The following MMP1 variants were observed in gnomAD, a reference collection of about 807,000 sequenced individuals.
The protein encoded by MMP1 is matrix metallopeptidase 1.
In MMP1, 51 loss-of-function variants were observed where a neutral mutation model predicts 49.6. That is an observed-to-expected ratio of 1.03 (90% CI 0.82 to 1.30). The LOEUF is 1.30. Among genes scored for constraint, MMP1 ranks in the 50% most tolerant of loss-of-function variants. The pLI is 0.00. For missense variants in MMP1, 623 were observed against 568.7 expected (o/e 1.10, Z -0.97); for synonymous variants, 230 against 196.8 (o/e 1.17, Z -1.41).
chr11:102,795,469 C>A lies in MMP1; in HGVS notation c.764G>T (p.Gly255Val), dbSNP rs750841955. The A allele has an allele frequency of 6.2e-7, 1 of 1,613,682 alleles. No homozygotes were observed. Among genetic ancestry groups the A allele is most frequent in the Admixed American group, 1.7e-5 (1 of 59,890 alleles). ...DVQLAQDDID[G>V]IQAIYGRSQN... Reference sequence around the variant, plus strand: ...ATACTCACCATATATGGCTTGGATGCCATCAATGTCATCCTGAGCTAGCTG... The same window carrying A: ...ATACTCACCATATATGGCTTGGATGACATCAATGTCATCCTGAGCTAGCTG... The change falls in exon 5 of 10, where the codon GGC (glycine) becomes GTC (valine). Residue 255 changes from glycine to valine, a missense_variant. Gly to Val is a moderately radical substitution (Grantham distance 109). Transcript: ENST00000315274.
rs1057395793 is a variant in MMP1, at chr11:102,797,810, A to G, written c.105+178T>C. On this transcript the variant is annotated intron_variant, in intron 1 of 9. Transcript: ENST00000315274. ...GTTCCTTTAGTTCACTCTCACCTCCAACTGGAAAAAGAGAGCGTATGCATG... is the reference window on the plus strand; with the variant it reads ...GTTCCTTTAGTTCACTCTCACCTCCGACTGGAAAAAGAGAGCGTATGCATG... Among the ~76,000 whole-genome samples the G allele has an allele frequency of 2.7e-4, 41 of 152,202 alleles. 1 individual carries two copies. Among genetic ancestry groups the G allele is most frequent in the Admixed American group, 2.3e-3 (35 of 15,286 alleles).
chr11:102,792,467 A>G (rs1858056132), intron 7 of MMP1, 138 bp downstream of exon 7: 3 of 835,814 alleles, frequency 3.6e-6, no homozygotes, highest in Middle Eastern at 3.2e-4. Context: ...AAGTTGATGG[A>G]CTTTCATTGA....
In MMP1 at chr11:102,796,694, C is replaced by T; in HGVS notation, c.595G>A (p.Glu199Lys). The T allele has an allele frequency of 6.2e-7, 1 of 1,613,956 alleles. No homozygotes were observed. The highest frequency in any genetic ancestry group is 8.5e-7 in the Non-Finnish European group (1 of 1,179,946). ...AAATTGTTGGTCCACCTTTCATCTT[C>T]ATCAAAATGAGCATCCCCTCCAATA... ...PGIGGDAHFDEDERWTNNFRE... is the reference protein window; with the variant it reads ...PGIGGDAHFDKDERWTNNFRE... Residue 199 changes from glutamate to lysine, a missense_variant, in exon 4 of 10, where the codon GAA (glutamate) becomes AAA (lysine). Transcript: ENST00000315274.
chr11:102,790,789 C>G lies in MMP1; in HGVS notation c.1214G>C (p.Arg405Pro). 2 of 1,608,242 alleles carry G rather than the reference C, an allele frequency of 1.2e-6. No individual in the cohort carries two copies. Among genetic ancestry groups the G allele is most frequent in the Non-Finnish European group, 1.7e-6 (2 of 1,174,934 alleles). Residue 405 changes from arginine (R) to proline (P), a missense_variant, in exon 9 of 10, where the codon CGA becomes CCA. Transcript: ENST00000315274. The stretch of plus-strand genomic sequence containing the variant: ...TTTGGGATAACCTGGATCCATAGAT[C>G]GTTTATATTCATCATACCTGGTCAG... ...NKYWRYDEYK[R>P]SMDPGYPKMI...
chr11:102,793,680 C>G (rs1028808201), intron 6 of MMP1, among the ~76,000 whole-genome samples: 6 of 152,304 alleles, frequency 3.9e-5, no homozygotes, highest in African/African-American at 9.6e-5. Context: ...GTGTCTAAGG[C>G]CACCCAGCTG....
rs544830834 is a variant in MMP1 at position 102,794,414 on chromosome 11, A to G, written c.899+760T>C. On this transcript the variant is annotated intron_variant, in intron 6 of 9. Coordinates refer to ENST00000315274, the MANE Select transcript of MMP1 (RefSeq NM_002421.4). This position sits in a 1 kb window ranked among gnomAD's most constrained non-coding sequence, Gnocchi z 4.3. Reference sequence around the variant, plus strand: ...AAAGAGTGTGTTATTATTTTGCCTGATCCTTTAGGAATCACTATGGTACAG... The same window carrying G: ...AAAGAGTGTGTTATTATTTTGCCTGGTCCTTTAGGAATCACTATGGTACAG... 6.6e-6 allele frequency among the ~76,000 whole-genome samples: 1 copy of G among 152,270 alleles called. No homozygotes were observed. The highest frequency in any genetic ancestry group is 1.5e-5 in the Non-Finnish European group (1 of 68,008).
At chr11:102,791,178 T>C (rs657043) in intron 8 of MMP1, among the ~76,000 whole-genome samples, 155 bp downstream of exon 8, 3,832 of 152,334 alleles carry the variant, frequency 0.025, 64 homozygotes, top group Non-Finnish European at 0.04. Context: ...TGATGATTAT[T>C]GGTCAATAGA....
At position 102,791,425 on chromosome 11, in the gene MMP1, A is replaced by G; in HGVS notation, c.1104T>C (p.Phe368=). Reference sequence around the variant, plus strand: ...TATGCTTCACAGTTCTAGGGAAGCCAAAGGAGCTGTAGATGTCCTTGGGGT... The same window carrying G: ...TATGCTTCACAGTTCTAGGGAAGCCGAAGGAGCTGTAGATGTCCTTGGGGT... ...HGYPKDIYSS[F]GFPRTVKHID... The change falls in exon 8 of 10, where the codon TTT becomes TTC. Residue 368 remains phenylalanine (F), a synonymous_variant. Coordinates refer to ENST00000315274, the MANE Select transcript of MMP1 (RefSeq NM_002421.4). 6.2e-7 allele frequency: 1 copy of G among 1,614,052 alleles called. No homozygotes were observed. Among genetic ancestry groups the G allele is most frequent in the Non-Finnish European group, 8.5e-7 (1 of 1,179,882 alleles).
At position 102,796,715 on chromosome 11, in the gene MMP1, CA is replaced by C. The variant is rs17879749; in HGVS notation, c.573del (p.Ile191MetfsTer45). 0.013 allele frequency: 21,612 copies of C among 1,613,990 alleles called. 183 individuals carry two copies. The highest frequency in any genetic ancestry group is 0.016 in the Non-Finnish European group (18,568 of 1,179,926). ...TCTTCATCAAAATGAGCATCCCCTCCAATACCTGGGCCTGGTTGAAAAGCAT... is the reference window on the plus strand; with the variant it reads ...TCTTCATCAAAATGAGCATCCCCTCCATACCTGGGCCTGGTTGAAAAGCAT... ...LAHAFQPGPG[I>X]GGDAHFDEDE... is the part of the protein sequence containing the mutation. On this transcript the variant is annotated frameshift_variant, in exon 4 of 10. Coordinates refer to ENST00000315274, the MANE Select transcript of MMP1 (RefSeq NM_002421.4). LOFTEE classifies it high-confidence loss of function.
At position 102,790,357 on chromosome 11, in the gene MMP1, G is replaced by T; in HGVS notation, c.*55C>A. 1.9e-6 allele frequency: 2 copies of T among 1,073,058 alleles called. No homozygotes were observed. The highest frequency in any genetic ancestry group is 1.4e-5 in the South Asian group (1 of 69,420). 66.5% of individuals were successfully genotyped at this position (1,073,058 alleles called of 1,614,324 possible). A position where few individuals can be genotyped will look rare whatever the true frequency, so the allele number is the denominator to read the frequency against. ...GACTGAGAAAATAGACAGTTCTTCA[G>T]GAAAACACCTTCTTTGGACTCACAC... is the stretch of plus-strand genomic sequence containing the variant. On this transcript the variant is annotated 3_prime_UTR_variant, in exon 10 of 10. Coordinates refer to ENST00000315274, the MANE Select transcript of MMP1 (RefSeq NM_002421.4).
Position 102,798,096 on chromosome 11 carries a change from G to A in MMP1, c.-4C>T. Reference sequence around the variant, plus strand: ...GCAGTGGAGGAAAGCTGTGCATACTGGCCTTTGTCTTCTTTCTCAGTGCAA... The same window carrying A: ...GCAGTGGAGGAAAGCTGTGCATACTAGCCTTTGTCTTCTTTCTCAGTGCAA... On this transcript the variant is annotated 5_prime_UTR_variant, in exon 1 of 10. Transcript: ENST00000315274. 1.2e-6 allele frequency: 2 copies of A among 1,605,330 alleles called. No homozygotes were observed. The highest frequency in any genetic ancestry group is 1.7e-6 in the Non-Finnish European group (2 of 1,178,874).
At position 102,797,252 on chromosome 11, in the gene MMP1, C is replaced by T. The variant is rs200481398; in HGVS notation, c.350+4G>A. On this transcript the variant is annotated splice_donor_region_variant and intron_variant, in intron 2 of 9. Transcript: ENST00000315274. ...TCTCTCACTCTGGCCCTCAGTCTGC[C>T]TACCTGTAGGTCAGATGTGTTTGCT... 453 of 1,614,166 alleles carry T rather than the reference C, an allele frequency of 2.8e-4. 2 individuals are homozygous for T. The highest frequency in any genetic ancestry group is 2.1e-3 in the South Asian group (189 of 91,076).
chr11:102,797,253 T>C lies in MMP1; in HGVS notation c.350+3A>G, dbSNP rs1357000837. The C allele has an allele frequency of 1.4e-5, 23 of 1,614,056 alleles. 1 individual carries two copies. Among genetic ancestry groups the C allele is most frequent in the African/African-American group, 8.0e-5 (6 of 74,944 alleles). ...CTCTCACTCTGGCCCTCAGTCTGCC[T>C]ACCTGTAGGTCAGATGTGTTTGCTC... is the stretch of plus-strand genomic sequence containing the variant. On this transcript the variant is annotated splice_donor_region_variant and intron_variant, in intron 2 of 9. Coordinates refer to ENST00000315274, the MANE Select transcript of MMP1 (RefSeq NM_002421.4).
rs960560219 is a variant in MMP1, at chr11:102,797,116, C to G, written c.397G>C (p.Ala133Pro). Residue 133 changes from alanine to proline, a missense_variant, in exon 3 of 10, where the codon GCC (alanine) becomes CCC (proline). Ala to Pro is a conservative substitution (Grantham distance 27). Transcript: ENST00000315274. The stretch of plus-strand genomic sequence containing the variant: ...CAGAGTTGGAAGGCTTTCTCAATGG[C>G]ATGGTCCACATCTGCTCTTGGCAAA... The part of the protein sequence containing the change: ...PDLPRADVDH[A>P]IEKAFQLWSN... 1.9e-6 allele frequency: 3 copies of G among 1,614,072 alleles called. No individual in the cohort carries two copies. The African/African-American group carries it at 4.0e-5, about 22-fold the overall frequency.
chr11:102,795,577 T>G lies in MMP1; in HGVS notation c.656A>C (p.Glu219Ala). The G allele has an allele frequency of 6.2e-7, 1 of 1,613,548 alleles. No homozygotes were observed. Among genetic ancestry groups the G allele is most frequent in the Non-Finnish European group, 8.5e-7 (1 of 1,179,860 alleles). The change falls in exon 5 of 10, where the codon GAA becomes GCA. Residue 219 changes from glutamate to alanine, a missense_variant. Physicochemically the swap from Glu to Ala is moderately radical, Grantham distance 107. Transcript: ENST00000315274. ...GGAGAGTCCAAGAGAATGGCCGAGT[T>G]CATGAGCTGCAACACGATGTAAGTT... The part of the protein sequence containing the change: ...EYNLHRVAAH[E>A]LGHSLGLSHS...
intron 8 of MMP1, 60 bp from the exon 9 acceptor site, chr11:102,790,866 C>T: frequency 2.3e-6 from 2 of 881,364 alleles, no homozygotes; most frequent in Non-Finnish European, 3.8e-6. Context: ...CTCTGAAAAT[C>T]ATTACAGAAA....
Position 102,795,261 on chromosome 11 carries a change from C to T in MMP1, c.812G>A (p.Gly271Asp), listed in dbSNP as rs374600625. The change falls in exon 6 of 10, where the codon GGC becomes GAC. Residue 271 changes from glycine to aspartate, a missense_variant. Coordinates refer to ENST00000315274, the MANE Select transcript of MMP1 (RefSeq NM_002421.4). ...GTCACACGCTTTTGGGGTTTGTGGG[C>T]CGATGGGCTGGACAGGATTTTGGGA... The part of the protein sequence containing the change: ...GRSQNPVQPI[G>D]PQTPKACDSK... 7 of 1,613,826 alleles carry T rather than the reference C, an allele frequency of 4.3e-6. No individual in the cohort carries two copies. The African/African-American group carries it at 8.0e-5, about 18-fold the overall frequency.
chr11:102,797,985 T>C lies in MMP1; in HGVS notation c.105+3A>G. 1.9e-6 allele frequency: 3 copies of C among 1,602,628 alleles called. No individual in the cohort carries two copies. Among genetic ancestry groups the C allele is most frequent in the Non-Finnish European group, 2.6e-6 (3 of 1,170,374 alleles). On this transcript the variant is annotated splice_donor_region_variant and intron_variant, in intron 1 of 9. Coordinates refer to ENST00000315274, the MANE Select transcript of MMP1 (RefSeq NM_002421.4). ...TTATTGTCACATGCAATGCAGCATT[T>C]ACCTGGACTAAGTCCACATCTTGCT...
chr11:102,790,296 A>T lies in MMP1; in HGVS notation c.*116T>A, dbSNP rs776054089. 1.7e-6 allele frequency: 1 copy of T among 592,570 alleles called. No individual in the cohort carries two copies. Among genetic ancestry groups the T allele is most frequent in the Non-Finnish European group, 3.0e-6 (1 of 335,452 alleles). The allele number at this position is 592,570 out of a possible 1,614,324, so 36.7% of individuals were successfully genotyped here. A position where few individuals can be genotyped will look rare whatever the true frequency, so the allele number is the denominator to read the frequency against. On this transcript the variant is annotated 3_prime_UTR_variant, in exon 10 of 10. Coordinates refer to ENST00000315274, the MANE Select transcript of MMP1 (RefSeq NM_002421.4). ...TGCAAACTGAGGTATAAATAAGATT[A>T]TATTCTGTGTATCAGTGACTCTAGA...
Sources: gnomAD v4.1 joint callset for allele counts (sites outside exome capture counted in the v4.1 genomes callset) on GRCh38, gnomAD v4.1.1 for gene constraint, Gnocchi (gnomAD v3.1) non-coding constraint, MANE v1.5 for transcripts, NCBI Gene and HGNC (gene_info 2026-07-23, HGNC 2026-07-21) for gene names.